Variants in YWHAE observed in about 807,000 individuals in gnomAD.
The protein encoded by YWHAE is 14-3-3 protein epsilon.
A neutral mutation model predicts 30.1 loss-of-function variants in YWHAE; 4 were observed. The ratio of observed to expected loss-of-function variants is 0.13; its 90% CI spans 0.07 to 0.30. The LOEUF (loss-of-function observed/expected upper bound fraction) is 0.30. Among genes scored for constraint, YWHAE ranks in the 10% least tolerant of loss-of-function variants. The pLI, the probability that YWHAE is intolerant of heterozygous loss-of-function variation, is 1.00. For synonymous variants in YWHAE, 118 were observed against 111.8 expected (o/e 1.06, Z -0.35); for missense variants, 121 against 315.9 (o/e 0.38, Z 4.68).
chr17:1,395,385 C>T lies in YWHAE; in HGVS notation c.64+4662G>A, dbSNP rs146339568. Among the ~76,000 whole-genome samples the T allele has an allele frequency of 2.1e-3, 326 of 152,098 alleles. 1 individual carries two copies. The highest frequency in any genetic ancestry group is 7.4e-3 in the African/African-American group (308 of 41,482). ...TCTACTAAAAATACAAAAAATTAGC[C>T]GAGTGTGGTGGCACGCGCCTGTAGT... On this transcript the variant is annotated intron_variant, in intron 1 of 5. Coordinates refer to ENST00000264335, the MANE Select transcript of YWHAE (RefSeq NM_006761.5).
Position 1,360,793 on chromosome 17 carries a change from A to G in YWHAE, c.578+299T>C, listed in dbSNP as rs193139139. ...ATTTAAAAAAAGACTGAAAACTAAT[A>G]TAACAAAAATTAAAATAATTCTAAT... On this transcript the variant is annotated intron_variant, in intron 4 of 5. Coordinates refer to ENST00000264335, the MANE Select transcript of YWHAE (RefSeq NM_006761.5). 1.4e-4 allele frequency among the ~76,000 whole-genome samples: 22 copies of G among 152,266 alleles called. No homozygotes were observed. In the East Asian group the frequency reaches 3.3e-3, roughly 23 times the overall value.
chr17:1,376,210 T>A (rs2073118934), intron 1 of YWHAE, among the ~76,000 whole-genome samples: 1 of 152,160 alleles, frequency 6.6e-6, no homozygotes, highest in African/African-American at 2.4e-5. Context: ...TGTTTGCTTC[T>A]GTGACAATAG....
intron 4 of YWHAE, among the ~76,000 whole-genome samples, chr17:1,355,617 A>G (rs1233679487): frequency 6.6e-6 from 1 of 152,190 alleles, no homozygotes; most frequent in African/African-American, 2.4e-5. Flanking sequence ...ATCCACACTT[A>G]CTGAGTACTG....
At chr17:1,392,185 G>C (rs761917871) in intron 1 of YWHAE, among the ~76,000 whole-genome samples, 1 of 151,642 alleles carries the variant, frequency 6.6e-6, no homozygotes, top group Non-Finnish European at 1.5e-5. Flanking sequence ...ATCTTGTCTC[G>C]GGAAAAAAGA....
chr17:1,358,352 G>A (rs1227539357), intron 4 of YWHAE, among the ~76,000 whole-genome samples: 1 of 152,088 alleles, frequency 6.6e-6, no homozygotes, highest in African/African-American at 2.4e-5. Flanking sequence ...CCATTCTCCT[G>A]CCTCAGCCTC....
chr17:1,371,634 T>C (rs1480130880), intron 1 of YWHAE, among the ~76,000 whole-genome samples: 2 of 152,190 alleles, frequency 1.3e-5, no homozygotes, highest in Non-Finnish European at 2.9e-5. Flanking sequence ...CATTAGTCCC[T>C]AAGAAGCTGC....
rs553670838 is a variant in YWHAE at position 1,361,381 on chromosome 17, A to G, written c.372-83T>C. ...AAGGAAAATAAGCTAAAATTGTTCT[A>G]TATTATATAAAATGTGACAAAAATA... On this transcript the variant is annotated intron_variant, in intron 3 of 5. Coordinates refer to ENST00000264335, the MANE Select transcript of YWHAE (RefSeq NM_006761.5). The G allele has an allele frequency of 2.9e-5, 33 of 1,156,470 alleles. No individual in the cohort carries two copies. The African/African-American group carries it at 3.3e-4, about 12-fold the overall frequency. The allele number at this position is 1,156,470 out of a possible 1,614,324, so 71.6% of individuals were successfully genotyped here. A position where few individuals can be genotyped will look rare whatever the true frequency, so the allele number is the denominator to read the frequency against.
intron 1 of YWHAE, among the ~76,000 whole-genome samples, chr17:1,388,101 GTTTTTTT>G (rs1291752445): frequency 6.4e-5 from 4 of 62,358 alleles, no homozygotes; most frequent in South Asian, 5.1e-4. Flanking sequence ...GGTAATTTTT[GTTTTTTT>G]TTTTGGTTGG....
intron 1 of YWHAE, among the ~76,000 whole-genome samples, chr17:1,368,489 C>T (rs564177399): frequency 3.4e-4 from 51 of 151,210 alleles, no homozygotes; most frequent in Non-Finnish European, 1.3e-4. Context: ...GCTTGAACCC[C>T]GGAGACAGGG....
At chr17:1,394,176 T>TA (rs2073429505) in intron 1 of YWHAE, among the ~76,000 whole-genome samples, 1 of 152,042 alleles carries the variant, frequency 6.6e-6, no homozygotes, top group Non-Finnish European at 1.5e-5. Flanking sequence ...CACATGATCA[T>TA]AAAAAAATCT....
chr17:1,365,267 T>G (rs1023254814), intron 1 of YWHAE, among the ~76,000 whole-genome samples: 8 of 152,078 alleles, frequency 5.3e-5, no homozygotes, highest in African/African-American at 1.9e-4. Context: ...AGAAGGTAGT[T>G]AGGTGGAGTG....
chr17:1,350,002 G>T (rs557203817), intron 5 of YWHAE, among the ~76,000 whole-genome samples: 2 of 150,194 alleles, frequency 1.3e-5, no homozygotes, highest in African/African-American at 4.9e-5. Flanking sequence ...GCCCAGGCTG[G>T]AGTGCAACGG....
At chr17:1,397,256 A>G (rs1474921529) in intron 1 of YWHAE, among the ~76,000 whole-genome samples, 3 of 152,162 alleles carry the variant, frequency 2.0e-5, no homozygotes. Flanking sequence ...CTGTTTGAGA[A>G]ATGCTAAGAA....
rs566935846 is a variant in YWHAE, at chr17:1,345,289, TAAA to T, written c.*155_*157del. The T allele has an allele frequency of 2.6e-4, 132 of 507,872 alleles. No individual in the cohort carries two copies. Among genetic ancestry groups the T allele is most frequent in the South Asian group, 4.7e-4 (17 of 36,340 alleles). 31.5% of individuals were successfully genotyped at this position (507,872 alleles called of 1,614,324 possible). A position where few individuals can be genotyped will look rare whatever the true frequency, so the allele number is the denominator to read the frequency against. ...CCTTTAAGAACTTTTGAAAACTGTT[TAAA>T]AAAAAAAAAAAAAAACCAACAGGGC... On this transcript the variant is annotated 3_prime_UTR_variant, in exon 6 of 6. Coordinates refer to ENST00000264335, the MANE Select transcript of YWHAE (RefSeq NM_006761.5).
chr17:1,362,574 G>A (rs925548751), intron 2 of YWHAE, among the ~76,000 whole-genome samples: 10 of 151,928 alleles, frequency 6.6e-5, no homozygotes, highest in African/African-American at 1.7e-4. Context: ...TTAAAACACC[G>A]AAAACCTATC....
chr17:1,400,165 C>G lies in YWHAE; in HGVS notation c.-55G>C. On this transcript the variant is annotated 5_prime_UTR_variant, in exon 1 of 6. Transcript: ENST00000264335. ...GACGGATGGAAGCGGATAGTGTCTC[C>G]GACTCTCTCAGCCTCTCGCTCCGCG... is the stretch of plus-strand genomic sequence containing the variant. 2 of 1,602,554 alleles carry G rather than the reference C, an allele frequency of 1.2e-6. No individual in the cohort carries two copies. The highest frequency in any genetic ancestry group is 2.2e-5 in the East Asian group (1 of 44,824).
At chr17:1,371,871 CTT>C (rs2073048311) in intron 1 of YWHAE, among the ~76,000 whole-genome samples, 1 of 146,064 alleles carries the variant, frequency 6.8e-6, no homozygotes, top group African/African-American at 2.5e-5. Flanking sequence ...CAGAATTTCA[CTT>C]TGTCGCTCAG....
chr17:1,354,719 G>A lies in YWHAE; in HGVS notation c.579-372C>T, dbSNP rs1241178002. Among the ~76,000 whole-genome samples the A allele has an allele frequency of 5.3e-5, 8 of 152,150 alleles. No homozygotes were observed. The East Asian group carries it at 1.5e-3, about 29-fold the overall frequency. Reference sequence around the variant, plus strand: ...GCTCTGTCGCCCAGGCTGGAGTGCAGTGGCGTGATCTCGGCTCACTGCAAG... The same window carrying A: ...GCTCTGTCGCCCAGGCTGGAGTGCAATGGCGTGATCTCGGCTCACTGCAAG... On this transcript the variant is annotated intron_variant, in intron 4 of 5. Coordinates refer to ENST00000264335, the MANE Select transcript of YWHAE (RefSeq NM_006761.5).
chr17:1,346,069 T>C (rs2072511578), intron 5 of YWHAE, among the ~76,000 whole-genome samples: 1 of 140,264 alleles, frequency 7.1e-6, no homozygotes, highest in African/African-American at 2.9e-5. Context: ...TACTTCAGAG[T>C]GAAACACAGC....
Sources: allele counts gnomAD v4.1 joint callset (sites outside exome capture counted in the v4.1 genomes callset), GRCh38; gene constraint gnomAD v4.1.1; transcripts MANE v1.5; gene names NCBI Gene and HGNC (gene_info 2026-07-23, HGNC 2026-07-21).